Variants in CES4A observed in about 807,000 individuals in gnomAD.
The protein encoded by CES4A is carboxylesterase 4A, also known as carboxylesterase 6.
CES4A carries 48 observed loss-of-function variants against 65.4 expected under a neutral mutation model. The ratio of observed to expected loss-of-function variants is 0.73; its 90% confidence interval spans 0.58 to 0.93. CES4A has a LOEUF of 0.93. Ranked by LOEUF, CES4A falls within the 40% of genes least tolerant of loss-of-function variation. The pLI is 0.00. For missense variants in CES4A, 685 were observed against 728.5 expected (o/e 0.94, Z 0.69); for synonymous variants, 247 against 281.8 (o/e 0.88, Z 1.24).
Position 67,003,297 on chromosome 16 carries a change from G to C in CES4A, c.837G>C (p.Gln279His). ...CTGGATGCAACCACAACAGCACACA[G>C]ATCCTGGTAAACTGCCTGAGGGCAC... Residue 279 changes from glutamine (Q) to histidine (H), a missense_variant, in exon 7 of 14, where the codon CAG becomes CAC. By Grantham distance (24) the Gln-to-His change is conservative. Coordinates refer to ENST00000648724, the Ensembl canonical transcript of CES4A. This position sits in a 1 kb window ranked among gnomAD's most constrained non-coding sequence, Gnocchi z 4.2. 3 of 1,614,184 alleles carry C rather than the reference G, an allele frequency of 1.9e-6. No individual in the cohort carries two copies. The highest frequency in any genetic ancestry group is 2.7e-5 in the African/African-American group (2 of 75,052).
intron 9 of CES4A, 127 bp downstream of exon 9, chr16:67,004,351 C>T: frequency 9.5e-7 from 1 of 1,051,978 alleles, no homozygotes; most frequent in Non-Finnish European, 1.4e-6. Flanking sequence ...CTGTGGATGC[C>T]CTATGTTTGG....
At chr16:66,993,366 G>A (rs536604626) in intron 1 of CES4A, among the ~76,000 whole-genome samples, 30 of 152,188 alleles carry the variant, frequency 2.0e-4, no homozygotes, top group Admixed American at 6.5e-4. Context: ...GTTTTGAGAC[G>A]GAGTCTCACT....
chr16:66,990,047 CTTTTT>C (rs1009395226), intron 1 of CES4A, among the ~76,000 whole-genome samples: 218 of 121,404 alleles, frequency 1.8e-3, no homozygotes, highest in African/African-American at 6.4e-3. Flanking sequence ...TTCATCTTTT[CTTTTT>C]TTTTTTTTTT....
Position 67,001,062 on chromosome 16 carries a change from C to T in CES4A, c.536+72C>T. The T allele has an allele frequency of 6.3e-6, 1 of 159,554 alleles. No homozygotes were observed. Among genetic ancestry groups the T allele is most frequent in the East Asian group, 1.5e-4 (1 of 6,606 alleles). 9.9% of individuals were successfully genotyped at this position (159,554 alleles called of 1,614,324 possible). On this transcript the variant is annotated intron_variant, in intron 4 of 13. Transcript: ENST00000648724. This position sits in a 1 kb window ranked among gnomAD's most constrained non-coding sequence, Gnocchi z 4.1. ...CGGGGACTGGGTGGGAAGGGAGGGGCGGGGCCTGGGGCGGGGATGGGGGGG... is the reference window on the plus strand; with the variant it reads ...CGGGGACTGGGTGGGAAGGGAGGGGTGGGGCCTGGGGCGGGGATGGGGGGG...
chr16:66,992,260 G>T (rs1025487691), intron 1 of CES4A, among the ~76,000 whole-genome samples: 2 of 152,218 alleles, frequency 1.3e-5, no homozygotes, highest in African/African-American at 4.8e-5. Context: ...ATTTGAGCTG[G>T]CCCTTGCCGC....
At position 67,000,519 on chromosome 16, in the gene CES4A, GCACGCA is replaced by G; in HGVS notation, c.261-111_261-106del. 1.4e-6 allele frequency: 2 copies of G among 1,451,278 alleles called. No homozygotes were observed. The highest frequency in any genetic ancestry group is 1.8e-6 in the Non-Finnish European group (2 of 1,099,866). 89.9% of individuals were successfully genotyped at this position (1,451,278 alleles called of 1,614,324 possible). ...TGTACACGCACACGCACGCACATGC[GCACGCA>G]CACGCACGCGCACAGACGCTGCCTG... On this transcript the variant is annotated intron_variant, in intron 2 of 13. Transcript: ENST00000648724. This position sits in a 1 kb window ranked among gnomAD's most constrained non-coding sequence, Gnocchi z 4.2.
intron 2 of CES4A, among the ~76,000 whole-genome samples, chr16:66,997,585 T>G (rs975356892): frequency 6.6e-6 from 1 of 152,074 alleles, no homozygotes; most frequent in African/African-American, 2.4e-5. Context: ...TCACTGATAA[T>G]GACTAGTTTT....
At position 67,002,921 on chromosome 16, in the gene CES4A, A is replaced by T. The variant is rs578176173; in HGVS notation, c.691-149A>T. 4.4e-6 allele frequency: 3 copies of T among 676,868 alleles called. No individual in the cohort carries two copies. The East Asian group carries it at 8.0e-5, about 18-fold the overall frequency. The allele number at this position is 676,868 out of a possible 1,614,324, so 41.9% of individuals were successfully genotyped here. On this transcript the variant is annotated intron_variant, in intron 5 of 13. Coordinates refer to ENST00000648724, the Ensembl canonical transcript of CES4A. Reference sequence around the variant, plus strand: ...GAATACCACTGGCTTTAGGTCTAGGACATCACCCCAGGACTCCTGACTCCC... The same window carrying T: ...GAATACCACTGGCTTTAGGTCTAGGTCATCACCCCAGGACTCCTGACTCCC...
At chr16:67,008,346 T>A (rs1256364236) in intron 13 of CES4A, 1 of 152,236 alleles carries the variant, frequency 6.6e-6, no homozygotes, top group African/African-American at 2.4e-5. Context: ...TTTCAAAATC[T>A]TTCCTATGTC....
chr16:67,008,633 C>T (rs1965960362), intron 13 of CES4A: 1 of 204,192 alleles, frequency 4.9e-6, no homozygotes, highest in Admixed American at 5.3e-5. Flanking sequence ...ATCTCCTGAC[C>T]TCGTGATCCG....
In CES4A at chr16:67,001,175, G is replaced by C. The variant is rs1965308397; in HGVS notation, c.537-133G>C. The C allele has an allele frequency of 9.9e-5, 136 of 1,372,768 alleles. 2 individuals are homozygous for C. In the South Asian group the frequency reaches 1.9e-3, roughly 19 times the overall value. The allele number at this position is 1,372,768 out of a possible 1,614,324, so 85.0% of individuals were successfully genotyped here. A position where few individuals can be genotyped will look rare whatever the true frequency, so the allele number is the denominator to read the frequency against. On this transcript the variant is annotated intron_variant, in intron 4 of 13. Coordinates refer to ENST00000648724, the Ensembl canonical transcript of CES4A. This position sits in a 1 kb window ranked among gnomAD's most constrained non-coding sequence, Gnocchi z 4.1. ...TCTGGATGGGGCGAGCTAACTCCAA[G>C]GAAGGGGGTGTGGTCGCAGGACTGG... is the stretch of plus-strand genomic sequence containing the variant.
chr16:67,000,163 G>C lies in CES4A; in HGVS notation c.261-475G>C, dbSNP rs1965168830. On this transcript the variant is annotated intron_variant, in intron 2 of 13. Coordinates refer to ENST00000648724, the Ensembl canonical transcript of CES4A. The surrounding 1 kb of genome is among the most constrained non-coding windows in gnomAD (Gnocchi z 4.2). ...AGATATGAAGAAGAGGAGTGACATA[G>C]TCCGCCAGAGTGTGGCCGAGGAGTA... 6.6e-6 allele frequency among the ~76,000 whole-genome samples: 1 copy of C among 152,186 alleles called. No homozygotes were observed. Among genetic ancestry groups the C allele is most frequent in the African/African-American group, 2.4e-5 (1 of 41,434 alleles).
rs779593858 is a variant in CES4A at position 67,001,436 on chromosome 16, C to T, written c.665C>T (p.Ala222Val). The change falls in exon 5 of 14, where the codon GCG (alanine) becomes GTG (valine). Residue 222 changes from alanine (A) to valine (V), a missense_variant. Ala to Val is a moderately conservative substitution (Grantham distance 64). Coordinates refer to ENST00000648724, the Ensembl canonical transcript of CES4A. This position sits in a 1 kb window ranked among gnomAD's most constrained non-coding sequence, Gnocchi z 4.1. ...AATGTGACCCTGTTCGGCCAGTCGG[C>T]GGGGGCCATGAGCATCTCAGGACTG... 2.5e-6 allele frequency: 4 copies of T among 1,610,858 alleles called. No homozygotes were observed. Among genetic ancestry groups the T allele is most frequent in the Admixed American group, 1.7e-5 (1 of 59,750 alleles).
At chr16:66,997,741 C>T (rs1454062531) in intron 2 of CES4A, among the ~76,000 whole-genome samples, 1 of 151,996 alleles carries the variant, frequency 6.6e-6, no homozygotes, top group Non-Finnish European at 1.5e-5. Flanking sequence ...GAGGCCGAGG[C>T]AGGAAATCAC....
Position 67,000,637 on chromosome 16 carries a change from G to T in CES4A, c.261-1G>T. Reference sequence around the variant, plus strand: ...CCGCCGCCGCTACCTGGTGCCCGCAGGTGCCTGCAGGAGTCCTGGGGCCAG... The same window carrying T: ...CCGCCGCCGCTACCTGGTGCCCGCATGTGCCTGCAGGAGTCCTGGGGCCAG... On this transcript the variant is annotated splice_acceptor_variant, in intron 2 of 13. Coordinates refer to ENST00000648724, the Ensembl canonical transcript of CES4A. LOFTEE classifies it high-confidence loss of function. The surrounding 1 kb of genome is among the most constrained non-coding windows in gnomAD (Gnocchi z 4.2). 9 of 1,543,894 alleles carry T rather than the reference G, an allele frequency of 5.8e-6. No individual in the cohort carries two copies. The highest frequency in any genetic ancestry group is 7.9e-6 in the Non-Finnish European group (9 of 1,143,518).
intron 5 of CES4A, among the ~76,000 whole-genome samples, chr16:67,002,109 A>T (rs1161309502): frequency 6.6e-6 from 1 of 152,242 alleles, no homozygotes; most frequent in Non-Finnish European, 1.5e-5. Flanking sequence ...AGATAAAGAA[A>T]CGAAGGCCCA....
chr16:67,008,009 TCTC>T (rs1428082927), intron 13 of CES4A: 4 of 152,146 alleles, frequency 2.6e-5, no homozygotes, highest in Non-Finnish European at 4.4e-5. Flanking sequence ...ATGGTCTCGA[TCTC>T]CTGACCTTGT....
intron 2 of CES4A, among the ~76,000 whole-genome samples, chr16:66,998,730 C>T (rs768923428): frequency 2.0e-5 from 3 of 151,942 alleles, no homozygotes; most frequent in African/African-American, 2.4e-5. Context: ...AGCTAGGTGT[C>T]GTGGCATGTG....
chr16:67,001,493 G>C lies in CES4A; in HGVS notation c.690+32G>C, dbSNP rs1453725985. 5 of 1,557,876 alleles carry C rather than the reference G, an allele frequency of 3.2e-6. No homozygotes were observed. Among genetic ancestry groups the C allele is most frequent in the Non-Finnish European group, 3.5e-6 (4 of 1,152,194 alleles). On this transcript the variant is annotated intron_variant, in intron 5 of 13. Coordinates refer to ENST00000648724, the Ensembl canonical transcript of CES4A. This position sits in a 1 kb window ranked among gnomAD's most constrained non-coding sequence, Gnocchi z 4.1. The stretch of plus-strand genomic sequence containing the variant: ...GCAATGCCCAGACGGACCGAGCACA[G>C]ACTTAGGCTCCTGCGTTCCCACAAA...
Sources: allele counts gnomAD v4.1 joint callset (sites outside exome capture counted in the v4.1 genomes callset), GRCh38; gene constraint gnomAD v4.1.1; non-coding constraint Gnocchi (gnomAD v3.1); transcripts MANE v1.5; gene names NCBI Gene and HGNC (gene_info 2026-07-23, HGNC 2026-07-21).